The following AP3M2 variants were observed in gnomAD, a reference collection of about 807,000 sequenced individuals.
The protein encoded by AP3M2 is adaptor related protein complex 3 subunit mu 2, also known as AP-3 complex subunit mu-2.
Under a neutral mutation model 41.6 loss-of-function variants are expected in AP3M2, and 28 were observed. The ratio of observed to expected loss-of-function variants is 0.67; its 90% CI spans 0.50 to 0.92. The LOEUF is 0.92. Among genes scored for constraint, AP3M2 ranks in the 40% least tolerant of loss-of-function variants. The pLI is 0.00. For missense variants in AP3M2, 427 were observed against 521.4 expected, an observed-to-expected ratio of 0.82 and a Z score of 1.76; for synonymous variants, 193 against 186.4, an observed-to-expected ratio of 1.04 and a Z score of -0.29.
Position 42,169,127 on chromosome 8 carries a change from A to T in AP3M2, c.*66A>T. The T allele has an allele frequency of 7.2e-7, 1 of 1,380,578 alleles. No individual in the cohort carries two copies. The highest frequency in any genetic ancestry group is 1.0e-6 in the Non-Finnish European group (1 of 995,716). 85.5% of individuals were successfully genotyped at this position (1,380,578 alleles called of 1,614,324 possible). On this transcript the variant is annotated 3_prime_UTR_variant, in exon 9 of 9. Transcript: ENST00000396926. Reference sequence around the variant, plus strand: ...ATTTCTTACTTGTCTAAAAGTAAAAAAAAATATCAGCCTGTCTCCTAGGTC... The same window carrying T: ...ATTTCTTACTTGTCTAAAAGTAAAATAAAATATCAGCCTGTCTCCTAGGTC...
intron 4 of AP3M2, among the ~76,000 whole-genome samples, chr8:42,162,678 C>T (rs1280708849): frequency 6.6e-6 from 1 of 152,058 alleles, no homozygotes; most frequent in Non-Finnish European, 1.5e-5. Context: ...GATGTAGTGA[C>T]TCACGCCTGT....
chr8:42,155,129 G>T (rs1804322913), intron 2 of AP3M2, among the ~76,000 whole-genome samples, 169 bp downstream of exon 2: 1 of 152,050 alleles, frequency 6.6e-6, no homozygotes, highest in African/African-American at 2.4e-5. Flanking sequence ...TATTGAATTG[G>T]CTGCATGCAA....
intron 6 of AP3M2, among the ~76,000 whole-genome samples, chr8:42,166,539 G>C (rs1207468213): frequency 6.9e-6 from 1 of 144,294 alleles, no homozygotes; most frequent in Non-Finnish European, 1.5e-5. Flanking sequence ...AGGATCACTT[G>C]AGCCCAGGAG....
intron 3 of AP3M2, among the ~76,000 whole-genome samples, chr8:42,161,823 TG>T (rs943239467): frequency 6.6e-6 from 1 of 152,220 alleles, no homozygotes. Flanking sequence ...GTTTCAGTGT[TG>T]GAACTTGGGA....
chr8:42,161,818 A>G (rs963363409), intron 3 of AP3M2, among the ~76,000 whole-genome samples: 1 of 152,206 alleles, frequency 6.6e-6, no homozygotes, highest in Non-Finnish European at 1.5e-5. Context: ...CCTAAGTTTC[A>G]GTGTTGGAAC....
intron 1 of AP3M2, chr8:42,153,346 T>G (rs1716966215): frequency 1.3e-5 from 2 of 152,188 alleles, no homozygotes; most frequent in African/African-American, 4.8e-5. Flanking sequence ...CCGGCACCCC[T>G]GCGCTCTTCA....
chr8:42,161,653 T>C (rs184049178), intron 3 of AP3M2, among the ~76,000 whole-genome samples: 3 of 152,090 alleles, frequency 2.0e-5, no homozygotes, highest in African/African-American at 7.2e-5. Context: ...ATCCAGGTAA[T>C]GGAAGAAGGA....
chr8:42,158,950 T>G (rs747102059), intron 3 of AP3M2, among the ~76,000 whole-genome samples: 21 of 152,084 alleles, frequency 1.4e-4, no homozygotes, highest in Non-Finnish European at 2.9e-5. Flanking sequence ...CACGCCACCA[T>G]GCCCAGCTAA....
At chr8:42,155,683 CT>C (rs1377611751) in intron 2 of AP3M2, 1 of 202,820 alleles carries the variant, frequency 4.9e-6, no homozygotes, top group African/African-American at 2.4e-5. Context: ...CACAGAGGAA[CT>C]TTCTCCCAAA....
chr8:42,153,893 T>G (rs1804281512), intron 1 of AP3M2: 2 of 152,174 alleles, frequency 1.3e-5, no homozygotes, highest in African/African-American at 4.8e-5. Flanking sequence ...AGCTTTCCAT[T>G]CCTCCCACCA....
intron 2 of AP3M2, among the ~76,000 whole-genome samples, chr8:42,156,723 C>A (rs190847080): frequency 6.6e-6 from 1 of 151,924 alleles, no homozygotes; most frequent in Non-Finnish European, 1.5e-5. Flanking sequence ...GGATAATTGA[C>A]GTTATCTAAT....
At chr8:42,163,574 A>ATG (rs1319220220) in intron 4 of AP3M2, among the ~76,000 whole-genome samples, 1 of 152,232 alleles carries the variant, frequency 6.6e-6, no homozygotes, top group Non-Finnish European at 1.5e-5. Flanking sequence ...AGTTATTAAG[A>ATG]TGTGTGGATT....
At chr8:42,163,906 A>G (rs1804573477) in intron 4 of AP3M2, among the ~76,000 whole-genome samples, 1 of 152,238 alleles carries the variant, frequency 6.6e-6, no homozygotes, top group African/African-American at 2.4e-5. Flanking sequence ...TGGCCAGATC[A>G]TGAAGAACCT....
intron 3 of AP3M2, among the ~76,000 whole-genome samples, chr8:42,159,951 A>T (rs923800530): frequency 3.3e-5 from 5 of 152,224 alleles, no homozygotes; most frequent in African/African-American, 1.2e-4. Context: ...ATATTCATAC[A>T]GTAGACATCC....
At position 42,154,941 on chromosome 8, in the gene AP3M2, G is replaced by A. The variant is rs762607714; in HGVS notation, c.254G>A (p.Arg85Gln). 9.3e-6 allele frequency: 15 copies of A among 1,613,926 alleles called. No homozygotes were observed. The highest frequency in any genetic ancestry group is 2.7e-5 in the African/African-American group (2 of 74,978). Residue 85 changes from arginine to glutamine, a missense_variant, in exon 2 of 9, where the codon CGA (arginine) becomes CAA (glutamine). Physicochemically the swap from Arg to Gln is conservative, Grantham distance 43. Coordinates refer to ENST00000396926, the MANE Select transcript of AP3M2 (RefSeq NM_006803.4). The part of the protein sequence containing the change: ...PPLFVIEFLH[R>Q]VVDTFQDYFG... ...CTGTTTGTCATTGAGTTTCTTCACC[G>A]AGTGGTGGACACATTTCAGGTTCGT... is the stretch of plus-strand genomic sequence containing the variant.
chr8:42,155,890 T>A (rs1187920171), intron 2 of AP3M2: 2 of 431,094 alleles, frequency 4.6e-6, no homozygotes, highest in Non-Finnish European at 9.3e-6. Flanking sequence ...TTCCTTCTCT[T>A]GTACTCATAT....
intron 2 of AP3M2, 107 bp downstream of exon 2, chr8:42,155,067 A>C: frequency 1.1e-6 from 1 of 940,284 alleles, no homozygotes; most frequent in Admixed American, 2.4e-5. Context: ...AAAAATCAAA[A>C]CTCTGGTATT....
chr8:42,160,761 G>C (rs376067701), intron 3 of AP3M2, among the ~76,000 whole-genome samples: 33 of 152,168 alleles, frequency 2.2e-4, no homozygotes, highest in East Asian at 1.7e-3. Context: ...CTGTCATTAT[G>C]GATTCTTGGT....
chr8:42,162,956 A>AG (rs1804547091), intron 4 of AP3M2, among the ~76,000 whole-genome samples: 1 of 119,256 alleles, frequency 8.4e-6, no homozygotes, highest in African/African-American at 2.7e-5. Context: ...AAAAAAAAAA[A>AG]AAAAAAAAAA....
Sources: allele counts gnomAD v4.1 joint callset (sites outside exome capture counted in the v4.1 genomes callset), GRCh38; gene constraint gnomAD v4.1.1; transcripts MANE v1.5; gene names NCBI Gene and HGNC (gene_info 2026-07-23, HGNC 2026-07-21).